The following KSR2 variants were observed in gnomAD, a reference collection of about 807,000 sequenced individuals.
KSR2 encodes kinase suppressor of ras 2.
In KSR2, 25 loss-of-function variants were observed where a neutral mutation model predicts 107.8. That is an observed-to-expected ratio of 0.23 (90% CI 0.17 to 0.32). The LOEUF (loss-of-function observed/expected upper bound fraction) is 0.32, where lower values mean the gene tolerates loss of function less well. Ranked by LOEUF, KSR2 falls within the 10% of genes least tolerant of loss-of-function variation. The probability of loss-of-function intolerance (pLI) is 1.00; values close to 1 mark genes in which losing one functional copy is unlikely to be tolerated. For synonymous variants in KSR2, 480 were observed against 507.0 expected (o/e 0.95, Z 0.71); for missense variants, 887 against 1,268.9 (o/e 0.70, Z 4.57).
chr12:117,585,311 G>C (rs896403520), intron 5 of KSR2, among the ~76,000 whole-genome samples: 1 of 152,142 alleles, frequency 6.6e-6, no homozygotes, highest in Non-Finnish European at 1.5e-5. Flanking sequence ...ACTCAGCAGA[G>C]AACAAATCCT....
chr12:117,506,549 G>C (rs1873691659), intron 14 of KSR2, among the ~76,000 whole-genome samples: 1 of 152,148 alleles, frequency 6.6e-6, no homozygotes, highest in African/African-American at 2.4e-5. Flanking sequence ...GAAGAGTTTT[G>C]GGTCATCCAC....
At chr12:117,788,578 G>T (rs4766873) in intron 3 of KSR2, among the ~76,000 whole-genome samples, 84,160 of 151,998 alleles carry the variant, frequency 0.55, 24,794 homozygotes, top group African/African-American at 0.75. Flanking sequence ...CTCAGCTCAC[G>T]GCAACCTCTG....
chr12:117,915,355 T>G (rs1355835165), intron 1 of KSR2, among the ~76,000 whole-genome samples: 1 of 152,198 alleles, frequency 6.6e-6, no homozygotes, highest in Non-Finnish European at 1.5e-5. Context: ...GGCTCCACCC[T>G]CATGACCTAA....
At chr12:117,542,706 C>A (rs1876593949) in intron 9 of KSR2, among the ~76,000 whole-genome samples, 1 of 152,156 alleles carries the variant, frequency 6.6e-6, no homozygotes, top group South Asian at 2.1e-4. Context: ...CCAGGCTGGT[C>A]TCAAACTCCT....
chr12:117,961,847 G>A (rs767377550), intron 1 of KSR2, among the ~76,000 whole-genome samples: 24 of 152,092 alleles, frequency 1.6e-4, no homozygotes, highest in Admixed American at 7.2e-4. Flanking sequence ...TATATGAAGA[G>A]CAAAGAAATG....
chr12:117,803,347 T>G (rs1278126665), intron 3 of KSR2, among the ~76,000 whole-genome samples: 1 of 152,206 alleles, frequency 6.6e-6, no homozygotes, highest in Non-Finnish European at 1.5e-5. Flanking sequence ...CCAAGGTATC[T>G]TCCAAGGAGC....
intron 12 of KSR2, among the ~76,000 whole-genome samples, chr12:117,529,268 G>C (rs1592960498): frequency 6.6e-6 from 1 of 152,174 alleles, no homozygotes; most frequent in Admixed American, 6.5e-5. Context: ...CCAGGCTGGG[G>C]TGCAGTGGCA....
chr12:117,567,699 C>G (rs1199773227), intron 7 of KSR2, among the ~76,000 whole-genome samples: 1 of 151,834 alleles, frequency 6.6e-6, no homozygotes, highest in Non-Finnish European at 1.5e-5. Context: ...GAATCCTTGC[C>G]CCCTTTGCAG....
At chr12:117,931,595 A>G (rs955339461) in intron 1 of KSR2, among the ~76,000 whole-genome samples, 8 of 152,150 alleles carry the variant, frequency 5.3e-5, no homozygotes, top group African/African-American at 1.9e-4. Context: ...CTTCCCAACA[A>G]TTTAGAGCTG....
chr12:117,768,757 TTAC>T (rs1389905246), intron 3 of KSR2, among the ~76,000 whole-genome samples: 3 of 152,082 alleles, frequency 2.0e-5, no homozygotes, highest in Admixed American at 6.5e-5. Flanking sequence ...TTTATTGAAT[TTAC>T]ACATAAAAAG....
intron 2 of KSR2, among the ~76,000 whole-genome samples, chr12:117,856,877 C>T (rs549955806): frequency 1.4e-4 from 21 of 152,228 alleles, no homozygotes; most frequent in Non-Finnish European, 2.6e-4. Context: ...AAGAAGAAAA[C>T]TGTCTCAGTA....
intron 5 of KSR2, among the ~76,000 whole-genome samples, chr12:117,591,914 C>G (rs889271652): frequency 6.6e-6 from 1 of 151,510 alleles, no homozygotes; most frequent in Admixed American, 6.6e-5. Context: ...GAGGCTGAGG[C>G]ATGAGAATCG....
intron 1 of KSR2, among the ~76,000 whole-genome samples, chr12:117,885,771 G>A (rs917720778): frequency 1.3e-5 from 2 of 151,918 alleles, no homozygotes; most frequent in African/African-American, 2.4e-5. Flanking sequence ...GTTGACAGGT[G>A]CAGCAAACCA....
intron 4 of KSR2, among the ~76,000 whole-genome samples, chr12:117,680,282 C>T (rs1417485795): frequency 1.3e-5 from 2 of 152,182 alleles, no homozygotes; most frequent in Admixed American, 1.3e-4. Context: ...TTGTCTAAAT[C>T]TATGCTGTTC....
chr12:117,823,631 T>C (rs1481233753), intron 3 of KSR2, among the ~76,000 whole-genome samples: 1 of 152,018 alleles, frequency 6.6e-6, no homozygotes, highest in Non-Finnish European at 1.5e-5. Flanking sequence ...AGCTAATGAG[T>C]GGACAAAGAG....
intron 3 of KSR2, among the ~76,000 whole-genome samples, chr12:117,802,413 C>T (rs1036021430): frequency 1.3e-5 from 2 of 152,280 alleles, no homozygotes; most frequent in South Asian, 4.2e-4. Context: ...TGTAATATCA[C>T]ATATTCACAG....
intron 5 of KSR2, among the ~76,000 whole-genome samples, chr12:117,587,939 A>G (rs1489564165): frequency 6.6e-6 from 1 of 152,124 alleles, no homozygotes; most frequent in Non-Finnish European, 1.5e-5. Flanking sequence ...CCGCCTCCCT[A>G]TCCCTGCATC....
intron 1 of KSR2, among the ~76,000 whole-genome samples, chr12:117,958,414 G>A (rs568142505): frequency 6.6e-6 from 1 of 152,314 alleles, no homozygotes; most frequent in African/African-American, 2.4e-5. Context: ...TGATCCAGCA[G>A]TTCCATTTCT....
intron 1 of KSR2, among the ~76,000 whole-genome samples, chr12:117,947,545 G>T (rs1209268949): frequency 2.0e-5 from 3 of 151,580 alleles, no homozygotes; most frequent in African/African-American, 7.3e-5. Flanking sequence ...GGAAATCCTG[G>T]CTAGTAAAAC....
Sources: allele counts gnomAD v4.1 joint callset (sites outside exome capture counted in the v4.1 genomes callset), GRCh38; gene constraint gnomAD v4.1.1; transcripts MANE v1.5; gene names NCBI Gene and HGNC (gene_info 2026-07-23, HGNC 2026-07-21).